Variants in NUP210 observed in about 807,000 individuals in gnomAD.
NUP210 encodes nucleoporin 210.
A neutral mutation model predicts 196.0 loss-of-function variants in NUP210; 151 were observed. The observed-to-expected ratio is 0.77, with a 90% CI of 0.67 to 0.88. The LOEUF is 0.88. Ranked by LOEUF, NUP210 falls within the 40% of genes least tolerant of loss-of-function variation. NUP210 has a pLI of 0.00. For missense variants in NUP210, 2,314 were observed against 2,493.7 expected (o/e 0.93, Z 1.53); for synonymous variants, 1,070 against 1,052.7 (o/e 1.02, Z -0.32).
At chr3:13,419,234 G>A (rs971610397) in intron 1 of NUP210, among the ~76,000 whole-genome samples, 5 of 152,232 alleles carry the variant, frequency 3.3e-5, no homozygotes, top group Admixed American at 3.3e-4. Context: ...TCACCCCTAG[G>A]ACGGCTGGGC....
intron 1 of NUP210, among the ~76,000 whole-genome samples, chr3:13,414,435 G>A (rs574978602): frequency 6.6e-6 from 1 of 152,222 alleles, no homozygotes; most frequent in Non-Finnish European, 1.5e-5. Context: ...GTCCAGCCCT[G>A]CAGGGGCCAC....
intron 3 of NUP210, among the ~76,000 whole-genome samples, chr3:13,395,803 G>A (rs1002983977): frequency 3.9e-5 from 6 of 152,168 alleles, no homozygotes; most frequent in African/African-American, 9.7e-5. Flanking sequence ...TGGAATTGCC[G>A]GGGCACAGGA....
At chr3:13,410,751 A>G (rs866406311) in intron 1 of NUP210, among the ~76,000 whole-genome samples, 4 of 140,462 alleles carry the variant, frequency 2.8e-5, no homozygotes, top group Admixed American at 6.8e-5. Context: ...CCCCGTCTCC[A>G]TTAAAAAATA....
At chr3:13,392,969 AG>A (rs1373576848) in intron 3 of NUP210, among the ~76,000 whole-genome samples, 1 of 152,190 alleles carries the variant, frequency 6.6e-6, no homozygotes, top group African/African-American at 2.4e-5. Context: ...GTGCTCAGTG[AG>A]GGGAGCATGG....
At chr3:13,390,321 G>GA (rs1160329240) in intron 4 of NUP210, among the ~76,000 whole-genome samples, 1 of 152,148 alleles carries the variant, frequency 6.6e-6, no homozygotes, top group Non-Finnish European at 1.5e-5. Flanking sequence ...TGCAAAAGGA[G>GA]ACTCAAAAGA....
chr3:13,320,215 G>A (rs1302772575), intron 36 of NUP210, among the ~76,000 whole-genome samples: 4 of 152,176 alleles, frequency 2.6e-5, no homozygotes, highest in African/African-American at 9.7e-5. Flanking sequence ...CATGGACGGC[G>A]TGTACTCTGC....
chr3:13,356,040 C>G (rs1698162137), intron 16 of NUP210, among the ~76,000 whole-genome samples: 2 of 152,228 alleles, frequency 1.3e-5, no homozygotes, highest in South Asian at 4.1e-4. Flanking sequence ...AGGACCTCCC[C>G]TGACTCAGTG....
At chr3:13,386,503 T>C (rs1329287359) in intron 5 of NUP210, 96 bp from the exon 6 acceptor site, 2 of 1,428,466 alleles carry the variant, frequency 1.4e-6, no homozygotes, top group East Asian at 2.3e-5. Flanking sequence ...AACATGGGAA[T>C]AGGGAAGTTA....
At chr3:13,372,303 C>T (rs1489632578) in intron 12 of NUP210, among the ~76,000 whole-genome samples, 1 of 152,224 alleles carries the variant, frequency 6.6e-6, no homozygotes, top group Non-Finnish European at 1.5e-5. Context: ...CGTGCAAAGG[C>T]CCTGCAGCAC....
intron 27 of NUP210, 85 bp from the exon 28 acceptor site, chr3:13,335,697 C>T (rs1244825632): frequency 3.9e-5 from 53 of 1,376,454 alleles, no homozygotes; most frequent in Non-Finnish European, 4.9e-5. Context: ...TAGCCCCAGA[C>T]CCCCCAGCCC....
chr3:13,415,374 C>T (rs544665463), intron 1 of NUP210, among the ~76,000 whole-genome samples: 3 of 152,282 alleles, frequency 2.0e-5, no homozygotes, highest in South Asian at 2.1e-4. Context: ...CCAGGCCCTG[C>T]GGGAGCTCTG....
intron 5 of NUP210, among the ~76,000 whole-genome samples, chr3:13,387,078 A>C (rs1052777419): frequency 2.0e-5 from 3 of 152,234 alleles, no homozygotes; most frequent in Non-Finnish European, 4.4e-5. Context: ...TGTCCACAGA[A>C]ACACAAAAAC....
chr3:13,413,960 AAG>A (rs1183016752), intron 1 of NUP210, among the ~76,000 whole-genome samples: 1 of 152,240 alleles, frequency 6.6e-6, no homozygotes, highest in Non-Finnish European at 1.5e-5. Context: ...TGAGTTTTGA[AAG>A]AGTGAATTTT....
At chr3:13,418,275 T>A (rs950041568) in intron 1 of NUP210, among the ~76,000 whole-genome samples, 1 of 152,200 alleles carries the variant, frequency 6.6e-6, no homozygotes. Context: ...TACGTCTTGA[T>A]TTCAGGAAGG....
At position 13,341,882 on chromosome 3, in the gene NUP210, C is replaced by A; in HGVS notation, c.3094G>T (p.Ala1032Ser). ...TAGTTGTCAAGGGCTTCATCAAGGG[C>A]CCTGAAACAGAGGGAAGGGCTGGGA... ...RAASPIITLVALDEALDNYTI... is the reference protein window; with the variant it reads ...RAASPIITLVSLDEALDNYTI... The change falls in exon 23 of 40, where the codon GCC (alanine) becomes TCC (serine). Residue 1032 changes from alanine (A) to serine (S), a missense_variant and splice_region_variant. Coordinates refer to ENST00000254508, the MANE Select transcript of NUP210 (RefSeq NM_024923.4). 1 of 1,614,148 alleles carries A rather than the reference C, an allele frequency of 6.2e-7. No individual in the cohort carries two copies. The highest frequency in any genetic ancestry group is 8.5e-7 in the Non-Finnish European group (1 of 1,180,042).
chr3:13,388,550 G>A (rs1699361426), intron 4 of NUP210, 97 bp from the exon 5 acceptor site: 2 of 1,294,094 alleles, frequency 1.5e-6, no homozygotes, highest in Admixed American at 5.4e-5. Context: ...CCTCCCACTG[G>A]GGCTGATGCT....
intron 29 of NUP210, 59 bp from the exon 30 acceptor site, chr3:13,330,693 T>C: frequency 1.3e-6 from 2 of 1,498,508 alleles, no homozygotes; most frequent in South Asian, 2.4e-5. Context: ...TGGGCCTGGA[T>C]ACAATGCCAG....
Position 13,343,031 on chromosome 3 carries a change from A to C in NUP210, c.2964+144T>G. On this transcript the variant is annotated intron_variant, in intron 21 of 39. Coordinates refer to ENST00000254508, the MANE Select transcript of NUP210 (RefSeq NM_024923.4). ...CTCCACATGGAGCGAAGGAGATGGG[A>C]GACAGCTCCGCAAGCTCACAGGGGA... The C allele has an allele frequency of 3.2e-6, 3 of 946,836 alleles. No individual in the cohort carries two copies. The South Asian group carries it at 4.6e-5, about 15-fold the overall frequency. 58.7% of individuals were successfully genotyped at this position (946,836 alleles called of 1,614,324 possible).
At chr3:13,320,632 C>CAAA (rs35982089) in intron 36 of NUP210, among the ~76,000 whole-genome samples, 12 of 67,434 alleles carry the variant, frequency 1.8e-4, no homozygotes, top group Admixed American at 3.6e-4. Flanking sequence ...GACTCCGTCT[C>CAAA]AAAAAAAAAA....
Sources: gnomAD v4.1 joint callset for allele counts (sites outside exome capture counted in the v4.1 genomes callset) on GRCh38, gnomAD v4.1.1 for gene constraint, MANE v1.5 for transcripts, NCBI Gene and HGNC (gene_info 2026-07-23, HGNC 2026-07-21) for gene names.